Variants in ZNF385B observed in about 807,000 individuals in gnomAD.
The protein encoded by ZNF385B is zinc finger protein 385B, also known as zinc finger protein 533.
A neutral mutation model predicts 39.2 loss-of-function variants in ZNF385B; 23 were observed. The ratio of observed to expected loss-of-function variants is 0.59; its 90% CI spans 0.42 to 0.83. The LOEUF (loss-of-function observed/expected upper bound fraction) is 0.83, where lower values mean the gene tolerates loss of function less well. Among genes scored for constraint, ZNF385B ranks in the 40% least tolerant of loss-of-function variants. The pLI is 0.00. For missense variants in ZNF385B, 552 were observed against 598.9 expected, an observed-to-expected ratio of 0.92 and a Z score of 0.82; for synonymous variants, 205 against 222.6, an observed-to-expected ratio of 0.92 and a Z score of 0.70.
At chr2:179,678,347 T>C (rs1473317113) in intron 3 of ZNF385B, among the ~76,000 whole-genome samples, 1 of 152,216 alleles carries the variant, frequency 6.6e-6, no homozygotes, top group Non-Finnish European at 1.5e-5. Context: ...CTACCTGGAA[T>C]AAAGCCTATA....
intron 5 of ZNF385B, among the ~76,000 whole-genome samples, chr2:179,492,921 A>C (rs1039154002): frequency 6.6e-6 from 1 of 152,148 alleles, no homozygotes; most frequent in Non-Finnish European, 1.5e-5. Flanking sequence ...GTGCCAGATT[A>C]AACTAGAAGT....
At chr2:179,818,645 C>A (rs530376007) in intron 1 of ZNF385B, among the ~76,000 whole-genome samples, 1 of 152,162 alleles carries the variant, frequency 6.6e-6, no homozygotes, top group Non-Finnish European at 1.5e-5. Flanking sequence ...AGCACTGACA[C>A]GGTATGCTGG....
At chr2:179,546,773 C>A (rs1263320993) in intron 3 of ZNF385B, among the ~76,000 whole-genome samples, 1 of 150,158 alleles carries the variant, frequency 6.7e-6, no homozygotes, top group Non-Finnish European at 1.5e-5. Context: ...CATATGGTAG[C>A]CCAACTTTTA....
intron 3 of ZNF385B, among the ~76,000 whole-genome samples, chr2:179,604,140 C>T (rs1688618024): frequency 6.6e-6 from 1 of 152,184 alleles, no homozygotes; most frequent in South Asian, 2.1e-4. Context: ...AGTTTTAAAG[C>T]CAAGTCCATT....
At chr2:179,721,120 A>G (rs78915589) in intron 3 of ZNF385B, among the ~76,000 whole-genome samples, 3,123 of 152,082 alleles carry the variant, frequency 0.021, 100 homozygotes, top group African/African-American at 0.069. Flanking sequence ...CCAAGGAATT[A>G]CTACAGATGA....
intron 5 of ZNF385B, among the ~76,000 whole-genome samples, chr2:179,504,217 T>G (rs2057035627): frequency 6.6e-6 from 1 of 152,098 alleles, no homozygotes; most frequent in African/African-American, 2.4e-5. Flanking sequence ...CATCATTTTT[T>G]ATGGCTGCAT....
intron 1 of ZNF385B, among the ~76,000 whole-genome samples, chr2:179,778,821 A>T (rs1225499552): frequency 6.6e-6 from 1 of 152,212 alleles, no homozygotes; most frequent in Non-Finnish European, 1.5e-5. Context: ...TATTCCTACC[A>T]AAGTGAACCA....
At chr2:179,815,574 T>C (rs981111306) in intron 1 of ZNF385B, among the ~76,000 whole-genome samples, 2 of 152,340 alleles carry the variant, frequency 1.3e-5, no homozygotes, top group East Asian at 1.9e-4. Flanking sequence ...TACTATCTTC[T>C]TTACCAGAGA....
intron 6 of ZNF385B, 86 bp from the exon 7 acceptor site, chr2:179,446,856 A>G: frequency 6.8e-7 from 1 of 1,477,968 alleles, no homozygotes; most frequent in Non-Finnish European, 9.0e-7. Context: ...AAAAATAGAA[A>G]TTTGATTCTT....
intron 5 of ZNF385B, among the ~76,000 whole-genome samples, chr2:179,516,833 G>A (rs899696230): frequency 6.6e-6 from 1 of 151,886 alleles, no homozygotes; most frequent in Non-Finnish European, 1.5e-5. Context: ...AAGCCAAATA[G>A]ATTTTCTACT....
intron 1 of ZNF385B, among the ~76,000 whole-genome samples, chr2:179,807,765 G>T (rs1229249243): frequency 1.3e-5 from 2 of 151,584 alleles, no homozygotes; most frequent in Admixed American, 6.6e-5. Flanking sequence ...CGTGGTGGCA[G>T]GCGCCTGTAG....
chr2:179,553,103 G>C (rs2060683629), intron 3 of ZNF385B, among the ~76,000 whole-genome samples: 1 of 148,946 alleles, frequency 6.7e-6, no homozygotes, highest in Non-Finnish European at 1.5e-5. Context: ...AAATTGTATA[G>C]GTGAAAACAT....
intron 1 of ZNF385B, among the ~76,000 whole-genome samples, chr2:179,794,291 G>A (rs1705516902): frequency 2.0e-5 from 3 of 152,128 alleles, no homozygotes; most frequent in Non-Finnish European, 4.4e-5. Context: ...ATTTATGATA[G>A]ATAATATTTA....
At chr2:179,859,477 T>C (rs1159746804) in intron 1 of ZNF385B, among the ~76,000 whole-genome samples, 1 of 152,208 alleles carries the variant, frequency 6.6e-6, no homozygotes, top group African/African-American at 2.4e-5. Context: ...CTGCAAAACA[T>C]TGTATCACCA....
intron 1 of ZNF385B, among the ~76,000 whole-genome samples, chr2:179,803,305 T>C (rs1387136607): frequency 1.3e-5 from 2 of 152,152 alleles, no homozygotes; most frequent in African/African-American, 4.8e-5. Flanking sequence ...TCCACAGTAA[T>C]GTTTCGTTAT....
chr2:179,700,734 C>T (rs1244046255), intron 3 of ZNF385B, among the ~76,000 whole-genome samples: 2 of 152,166 alleles, frequency 1.3e-5, no homozygotes, highest in Non-Finnish European at 2.9e-5. Flanking sequence ...TTGGTATTGG[C>T]CAGGCCCGGT....
At chr2:179,708,262 G>A (rs116461267) in intron 3 of ZNF385B, among the ~76,000 whole-genome samples, 4,414 of 152,276 alleles carry the variant, frequency 0.029, 201 homozygotes, top group African/African-American at 0.097. Context: ...GTGAGTGTTT[G>A]ACAATTCCTC....
intron 3 of ZNF385B, among the ~76,000 whole-genome samples, chr2:179,679,965 CCTGG>C (rs1559081642): frequency 6.6e-6 from 1 of 152,132 alleles, no homozygotes; most frequent in Non-Finnish European, 1.5e-5. Flanking sequence ...CACAACTAAA[CCTGG>C]CTAATAAATG....
At chr2:179,445,133 C>T (rs2049341915) in intron 8 of ZNF385B, among the ~76,000 whole-genome samples, 156 bp from the exon 9 acceptor site, 1 of 152,072 alleles carries the variant, frequency 6.6e-6, no homozygotes, top group South Asian at 2.1e-4. Context: ...AAGACTTAGT[C>T]CTCCCTCAAT....
Sources: gnomAD v4.1 joint callset for allele counts (sites outside exome capture counted in the v4.1 genomes callset) on GRCh38, gnomAD v4.1.1 for gene constraint, MANE v1.5 for transcripts, NCBI Gene and HGNC (gene_info 2026-07-23, HGNC 2026-07-21) for gene names.